Variants in PSD3 observed in about 807,000 individuals in gnomAD.
PSD3 encodes the protein PH and SEC7 domain-containing protein 3.
Under a neutral mutation model 105.5 loss-of-function variants are expected in PSD3, and 49 were observed. That is an observed-to-expected ratio of 0.46 (90% CI 0.37 to 0.59). The LOEUF (loss-of-function observed/expected upper bound fraction) is 0.59. PSD3 is among the 20% of genes least tolerant of loss of function. The probability of loss-of-function intolerance (pLI) is 0.00; values close to 1 mark genes in which losing one functional copy is unlikely to be tolerated. For synonymous variants in PSD3, 557 were observed against 457.8 expected, an observed-to-expected ratio of 1.22 and a Z score of -2.77; for missense variants, 1,561 against 1,263.8, an observed-to-expected ratio of 1.24 and a Z score of -3.57.
intron 2 of PSD3, among the ~76,000 whole-genome samples, chr8:18,911,448 A>AC (rs2129464134): frequency 6.6e-6 from 1 of 152,206 alleles, no homozygotes; most frequent in African/African-American, 2.4e-5. Context: ...GGCATGGCAG[A>AC]CCCGTGACTT....
intron 10 of PSD3, 136 bp downstream of exon 10, chr8:18,655,506 T>C: frequency 3.7e-6 from 3 of 812,536 alleles, no homozygotes; most frequent in South Asian, 1.6e-5. Flanking sequence ...AGCCACAAAG[T>C]AGGTAAGACA....
At chr8:18,834,025 G>A (rs1480307474) in intron 4 of PSD3, among the ~76,000 whole-genome samples, 2 of 145,786 alleles carry the variant, frequency 1.4e-5, no homozygotes, top group Admixed American at 7.1e-5. Context: ...CTAAAATAAG[G>A]AAAGTACAAA....
rs376083565 is a variant in PSD3, at chr8:18,830,533, A to G, written c.1635-25635T>C. ...AATGCAACTTGTTTAAAAGAACAAC[A>G]GAAATTATCTTCTGTCATTCAAAGC... On this transcript the variant is annotated intron_variant, in intron 4 of 15. Coordinates refer to ENST00000327040, the MANE Select transcript of PSD3 (RefSeq NM_015310.4). Among the ~76,000 whole-genome samples the G allele has an allele frequency of 3.9e-5, 6 of 152,358 alleles. No homozygotes were observed. In the East Asian group the frequency reaches 7.7e-4, roughly 20 times the overall value.
At chr8:18,656,901 A>C (rs1254939449) in intron 9 of PSD3, among the ~76,000 whole-genome samples, 1 of 152,218 alleles carries the variant, frequency 6.6e-6, no homozygotes, top group Non-Finnish European at 1.5e-5. Flanking sequence ...TTGAATTTTA[A>C]GTAAGATGTT....
intron 4 of PSD3, chr8:18,865,329 T>G (rs993203159): frequency 2.2e-5 from 3 of 135,252 alleles, no homozygotes; most frequent in Non-Finnish European, 3.1e-5. Flanking sequence ...CTGAGGCCCC[T>G]TCAAGTAGTA....
At chr8:18,972,204 C>T (rs6586789) in intron 1 of PSD3, among the ~76,000 whole-genome samples, 109,490 of 152,028 alleles carry the variant, frequency 0.72, 39,822 homozygotes, top group Middle Eastern at 0.79. Flanking sequence ...CTTCTGTCAA[C>T]TAGGCTCCTA....
intron 1 of PSD3, among the ~76,000 whole-genome samples, chr8:19,067,307 A>T (rs1259299479): frequency 6.6e-6 from 1 of 152,186 alleles, no homozygotes; most frequent in Non-Finnish European, 1.5e-5. Context: ...CTATCATTCC[A>T]GCTCAGGCTC....
chr8:18,752,579 A>ATATAAT (rs1805657124), intron 9 of PSD3, among the ~76,000 whole-genome samples: 1 of 75,966 alleles, frequency 1.3e-5, no homozygotes, highest in South Asian at 2.9e-4. Context: ...ATATATAATT[A>ATATAAT]TATATATTAT....
chr8:18,868,598 A>T (rs938876740), intron 3 of PSD3, among the ~76,000 whole-genome samples: 23 of 152,094 alleles, frequency 1.5e-4, no homozygotes, highest in Non-Finnish European at 2.5e-4. Context: ...CTGCAGAGAG[A>T]TTTCACGTCC....
chr8:18,876,181 C>A (rs550414690), intron 2 of PSD3, among the ~76,000 whole-genome samples: 1 of 152,242 alleles, frequency 6.6e-6, no homozygotes, highest in African/African-American at 2.4e-5. Flanking sequence ...CCCAGTTCAG[C>A]CTCCCAAGTA....
At chr8:18,762,074 A>G (rs1806586516) in intron 9 of PSD3, among the ~76,000 whole-genome samples, 1 of 152,156 alleles carries the variant, frequency 6.6e-6, no homozygotes, top group African/African-American at 2.4e-5. Context: ...GCCATCTGAC[A>G]TGGTTTGTGT....
rs1802105485 is a variant in PSD3 at position 18,571,071 on chromosome 8, G to A, written c.2784+1457C>T. 2.6e-5 allele frequency among the ~76,000 whole-genome samples: 4 copies of A among 152,006 alleles called. No homozygotes were observed. In the South Asian group the frequency reaches 8.3e-4, roughly 32 times the overall value. Reference sequence around the variant, plus strand: ...AGACAGGGTTTTACCATGCTGGCCAGGCTGGTCTCAAACTCCTGACCTCAG... The same window carrying A: ...AGACAGGGTTTTACCATGCTGGCCAAGCTGGTCTCAAACTCCTGACCTCAG... On this transcript the variant is annotated intron_variant, in intron 14 of 15. Transcript: ENST00000327040.
chr8:18,554,284 G>A (rs979689473), intron 15 of PSD3, among the ~76,000 whole-genome samples: 1 of 152,240 alleles, frequency 6.6e-6, no homozygotes, highest in African/African-American at 2.4e-5. Context: ...AGCCACTTCA[G>A]AAGTGTGAAG....
At chr8:18,914,976 C>A (rs1307414027) in intron 2 of PSD3, among the ~76,000 whole-genome samples, 1 of 152,064 alleles carries the variant, frequency 6.6e-6, no homozygotes, top group African/African-American at 2.4e-5. Context: ...GTAACCAAAA[C>A]AGCATGGTAC....
intron 12 of PSD3, among the ~76,000 whole-genome samples, chr8:18,583,925 G>T (rs929717220): frequency 2.6e-5 from 4 of 152,084 alleles, no homozygotes; most frequent in Non-Finnish European, 5.9e-5. Flanking sequence ...ACTCATTATT[G>T]ACTTGCTTCC....
intron 9 of PSD3, among the ~76,000 whole-genome samples, chr8:18,712,598 C>G (rs1199646888): frequency 6.6e-6 from 1 of 152,108 alleles, no homozygotes; most frequent in African/African-American, 2.4e-5. Flanking sequence ...AATCCCTGAA[C>G]AGACCAATAT....
At chr8:18,579,623 T>G (rs1802682752) in intron 12 of PSD3, among the ~76,000 whole-genome samples, 1 of 152,172 alleles carries the variant, frequency 6.6e-6, no homozygotes. Context: ...TTTTTTTCCC[T>G]GAGAAACTTG....
intron 8 of PSD3, chr8:18,799,006 A>T (rs1231414879): frequency 3.2e-6 from 1 of 309,208 alleles, no homozygotes; most frequent in Non-Finnish European, 6.1e-6. Flanking sequence ...CAGAAAACAA[A>T]AATAAGTAAA....
At chr8:18,561,742 G>C (rs922188548) in intron 14 of PSD3, among the ~76,000 whole-genome samples, 3 of 152,014 alleles carry the variant, frequency 2.0e-5, no homozygotes, top group African/African-American at 7.2e-5. Flanking sequence ...TAGGTTTTGA[G>C]AACAATTTCA....
Sources: allele counts gnomAD v4.1 joint callset (sites outside exome capture counted in the v4.1 genomes callset), GRCh38; gene constraint gnomAD v4.1.1; transcripts MANE v1.5; gene names NCBI Gene and HGNC (gene_info 2026-07-23, HGNC 2026-07-21).